ERAP2: variants seen among roughly 807,000 people sequenced by gnomAD.
The protein encoded by ERAP2 is endoplasmic reticulum aminopeptidase 2.
Under a neutral mutation model 111.1 loss-of-function variants are expected in ERAP2, and 118 were observed. That is an observed-to-expected ratio of 1.06 (90% confidence interval 0.92 to 1.24). The LOEUF is 1.24. Ranked by LOEUF, ERAP2 falls within the 50% of genes most tolerant of loss-of-function variation. ERAP2 has a pLI of 0.00. For synonymous variants in ERAP2, 410 were observed against 401.2 expected, an observed-to-expected ratio of 1.02 and a Z score of -0.26; for missense variants, 1,131 against 1,125.8, an observed-to-expected ratio of 1.00 and a Z score of -0.07.
At chr5:96,908,746 C>T (rs915765232) in intron 13 of ERAP2, among the ~76,000 whole-genome samples, 3 of 152,084 alleles carry the variant, frequency 2.0e-5, no homozygotes, top group African/African-American at 7.2e-5. Flanking sequence ...GTATTATTAT[C>T]CCCATTGTAT....
At chr5:96,904,658 A>G (rs1400217385) in intron 13 of ERAP2, among the ~76,000 whole-genome samples, 6 of 152,206 alleles carry the variant, frequency 3.9e-5, no homozygotes, top group Non-Finnish European at 8.8e-5. Flanking sequence ...TGCCTGCTCA[A>G]AGGAGAAGCT....
At chr5:96,902,386 A>C (rs757570707) in intron 12 of ERAP2, 33 bp downstream of exon 12, 40 of 1,349,098 alleles carry the variant, frequency 3.0e-5, no homozygotes, top group Middle Eastern at 1.8e-4. Context: ...AGGTATTTCA[A>C]TGTGGAAATT....
At chr5:96,900,053 G>T in intron 9 of ERAP2, 68 bp from the exon 10 acceptor site, 1 of 1,566,258 alleles carries the variant, frequency 6.4e-7, no homozygotes. Flanking sequence ...CTGCATCCAT[G>T]GCTAATGTGC....
chr5:96,889,829 C>CAT (rs1032647506), intron 5 of ERAP2, among the ~76,000 whole-genome samples: 5 of 88,150 alleles, frequency 5.7e-5, no homozygotes, highest in Non-Finnish European at 8.7e-5. Context: ...TTAAAAAATA[C>CAT]ATACACACAC....
intron 9 of ERAP2, among the ~76,000 whole-genome samples, chr5:96,897,759 C>G (rs4869316): frequency 0.33 from 50,316 of 151,912 alleles, 8,871 homozygotes; most frequent in East Asian, 0.46. Flanking sequence ...TTTATAGAAC[C>G]ATTAGACCCA....
At chr5:96,891,920 G>A (rs995194255) in intron 5 of ERAP2, among the ~76,000 whole-genome samples, 9 of 152,100 alleles carry the variant, frequency 5.9e-5, no homozygotes, top group South Asian at 4.1e-4. Context: ...AAACATATTA[G>A]AAATTATTTG....
chr5:96,902,215 A>G (rs1785547054), intron 11 of ERAP2, 59 bp from the exon 12 acceptor site: 3 of 1,172,480 alleles, frequency 2.6e-6, no homozygotes, highest in Non-Finnish European at 3.8e-6. Context: ...GAGTCTGACA[A>G]TGTGAAAAAT....
chr5:96,909,597 T>G lies in ERAP2; in HGVS notation c.2187T>G (p.Tyr729Ter), dbSNP rs1277246993. ...SENLKRYLLQ[Y>*]FKPVIDRQSW... Reference sequence around the variant, plus strand: ...TTCTGCAGCGTTACCTTCTTCAGTATTTTAAGCCAGTGATTGACAGGCAAA... The same window carrying G: ...TTCTGCAGCGTTACCTTCTTCAGTAGTTTAAGCCAGTGATTGACAGGCAAA... The change falls in exon 15 of 19, where the codon TAT (tyrosine) becomes TAG (stop). Residue 729 changes from tyrosine to a stop codon, truncating the protein, a stop_gained. Coordinates refer to ENST00000437043, the MANE Select transcript of ERAP2 (RefSeq NM_022350.5). LOFTEE classifies it high-confidence loss of function. 1 of 1,614,028 alleles carries G rather than the reference T, an allele frequency of 6.2e-7. No homozygotes were observed. The highest frequency in any genetic ancestry group is 8.5e-7 in the Non-Finnish European group (1 of 1,180,000).
chr5:96,916,457 T>A (rs1330540727), intron 18 of ERAP2, among the ~76,000 whole-genome samples: 69 of 29,610 alleles, frequency 2.3e-3, no homozygotes, highest in Admixed American at 4.4e-3. Flanking sequence ...TCTAGTTATC[T>A]TTTTTTTTTT....
intron 1 of ERAP2, among the ~76,000 whole-genome samples, chr5:96,879,131 A>G (rs1782878722): frequency 6.6e-6 from 1 of 152,114 alleles, no homozygotes; most frequent in African/African-American, 2.4e-5. Context: ...AGGTGGGAGG[A>G]TCACTTGAGC....
chr5:96,892,427 G>A lies in ERAP2; in HGVS notation c.1099G>A (p.Val367Ile). ...SASDKLWVTRVIAHELAHQWF... is the reference protein window; with the variant it reads ...SASDKLWVTRIIAHELAHQWF... Reference sequence around the variant, plus strand: ...TTCCGATAAACTGTGGGTCACCAGAGTCATAGCCCATGAACTGGCGCACCA... The same window carrying A: ...TTCCGATAAACTGTGGGTCACCAGAATCATAGCCCATGAACTGGCGCACCA... The change falls in exon 6 of 19, where the codon GTC becomes ATC. Residue 367 changes from valine to isoleucine, a missense_variant. This residue lies in a region of ERAP2 where 847 missense variants were observed against 856.5 expected (regional missense o/e 0.99). Coordinates refer to ENST00000437043, the MANE Select transcript of ERAP2 (RefSeq NM_022350.5). 6.2e-7 allele frequency: 1 copy of A among 1,613,994 alleles called. No homozygotes were observed. Among genetic ancestry groups the A allele is most frequent in the South Asian group, 1.1e-5 (1 of 91,088 alleles).
At chr5:96,877,441 T>C (rs1429675433) in intron 1 of ERAP2, among the ~76,000 whole-genome samples, 2 of 152,224 alleles carry the variant, frequency 1.3e-5, no homozygotes, top group Non-Finnish European at 2.9e-5. Flanking sequence ...TCCTTCATTT[T>C]GGCCATTGAA....
intron 5 of ERAP2, 138 bp from the exon 6 acceptor site, chr5:96,892,161 A>C (rs1784451957): frequency 2.6e-6 from 2 of 781,206 alleles, no homozygotes; most frequent in Non-Finnish European, 4.1e-6. Context: ...ACACCCTGTC[A>C]ATGTTAAGAT....
intron 9 of ERAP2, 115 bp downstream of exon 9, chr5:96,896,978 C>T: frequency 2.6e-6 from 1 of 378,256 alleles, no homozygotes; most frequent in Admixed American, 1.2e-4. Flanking sequence ...ATTCTGCTTG[C>T]TATGTTGTCA....
intron 13 of ERAP2, among the ~76,000 whole-genome samples, chr5:96,905,002 C>A (rs1785893372): frequency 6.6e-6 from 1 of 151,850 alleles, no homozygotes; most frequent in Non-Finnish European, 1.5e-5. Context: ...CCTTTTTAAG[C>A]CTAAATTTTC....
Position 96,876,521 on chromosome 5 carries a change from A to T in ERAP2, c.-129A>T, listed in dbSNP as rs1042976687. 1 of 152,382 alleles carries T rather than the reference A, an allele frequency of 6.6e-6. No homozygotes were observed. Among genetic ancestry groups the T allele is most frequent in the Admixed American group, 6.5e-5 (1 of 15,282 alleles). 9.4% of individuals were successfully genotyped at this position (152,382 alleles called of 1,614,324 possible). A position where few individuals can be genotyped will look rare whatever the true frequency, so the allele number is the denominator to read the frequency against. ...CTTCAGTCAAATCTGCAGCAGCATGATTTAAGGTAACGTATCAACATTTCT... is the reference window on the plus strand; with the variant it reads ...CTTCAGTCAAATCTGCAGCAGCATGTTTTAAGGTAACGTATCAACATTTCT... On this transcript the variant is annotated 5_prime_UTR_variant, in exon 1 of 19. Transcript: ENST00000437043.
chr5:96,896,397 T>G lies in ERAP2; in HGVS notation c.1264T>G (p.Phe422Val), dbSNP rs1237231730. Residue 422 changes from phenylalanine to valine, a missense_variant, in exon 8 of 19, where the codon TTT (phenylalanine) becomes GTT (valine). Phe to Val is a conservative substitution (Grantham distance 50). This residue lies in a region of ERAP2 where 847 missense variants were observed against 856.5 expected (regional missense o/e 0.99). Coordinates refer to ENST00000437043, the MANE Select transcript of ERAP2 (RefSeq NM_022350.5). ...GGATGACTATTTTTTGAATGTGTGT[T>G]TTGAAGTAATTACAAAAGATTCATT... ...QFDDYFLNVCFEVITKDSLNS... is the reference protein window; with the variant it reads ...QFDDYFLNVCVEVITKDSLNS... 1.2e-6 allele frequency: 2 copies of G among 1,611,878 alleles called. No homozygotes were observed. The highest frequency in any genetic ancestry group is 2.2e-5 in the South Asian group (2 of 90,870).
At chr5:96,898,828 C>T (rs1342275921) in intron 9 of ERAP2, among the ~76,000 whole-genome samples, 1 of 152,152 alleles carries the variant, frequency 6.6e-6, no homozygotes, top group Non-Finnish European at 1.5e-5. Flanking sequence ...GGTCCAGACA[C>T]ACTTTCTCCA....
chr5:96,915,910 A>T, intron 18 of ERAP2, 141 bp downstream of exon 18: 1 of 613,666 alleles, frequency 1.6e-6, no homozygotes. Context: ...TAGCAAGTAA[A>T]TGGAAGGGAC....
Sources: gnomAD v4.1 joint callset for allele counts (sites outside exome capture counted in the v4.1 genomes callset) on GRCh38, gnomAD v4.1.1 for gene constraint, gnomAD v4.1.1 regional missense constraint, MANE v1.5 for transcripts, NCBI Gene and HGNC (gene_info 2026-07-23, HGNC 2026-07-21) for gene names.